Variants in RASSF9 observed in about 807,000 individuals in gnomAD.
The protein encoded by RASSF9 is Ras association domain family member 9, also known as ras association domain-containing protein 9.
In RASSF9, 18 loss-of-function variants were observed where a neutral mutation model predicts 21.4. The ratio of observed to expected loss-of-function variants is 0.84; its 90% CI spans 0.58 to 1.25. The LOEUF is 1.25. Ranked by LOEUF, RASSF9 falls within the 50% of genes most tolerant of loss-of-function variation. RASSF9 has a pLI of 0.00. For missense variants in RASSF9, 480 were observed against 503.2 expected, an observed-to-expected ratio of 0.95 and a Z score of 0.44; for synonymous variants, 183 against 179.1, an observed-to-expected ratio of 1.02 and a Z score of -0.18.
At chr12:85,806,106 G>C in intron 1 of RASSF9, 144 bp from the exon 2 acceptor site, 1 of 847,056 alleles carries the variant, frequency 1.2e-6, no homozygotes, top group African/African-American at 1.7e-5. Context: ...GAGTGCAGTG[G>C]TGCGGTCTCA....
chr12:85,833,293 A>C (rs1880490201), intron 1 of RASSF9, among the ~76,000 whole-genome samples: 1 of 151,902 alleles, frequency 6.6e-6, no homozygotes, highest in African/African-American at 2.4e-5. Flanking sequence ...TTGAGTAAAA[A>C]TTATAATTCA....
intron 1 of RASSF9, among the ~76,000 whole-genome samples, chr12:85,830,197 T>A (rs1880420614): frequency 6.6e-6 from 1 of 152,074 alleles, no homozygotes; most frequent in Non-Finnish European, 1.5e-5. Context: ...TCTAGGGGGA[T>A]GAGGGGAGGT....
intron 1 of RASSF9, among the ~76,000 whole-genome samples, chr12:85,810,357 G>A (rs1879927072): frequency 6.6e-6 from 1 of 151,908 alleles, no homozygotes. Context: ...CAGTGCCAGG[G>A]TTGAGAATGG....
rs374866041 is a variant in RASSF9, at chr12:85,810,717, C to T, written c.48-4755G>A. ...ATTTAGTAGAAATAATATCTACAAA[C>T]GCAAACACAACTAAAGTTTAAACAT... On this transcript the variant is annotated intron_variant, in intron 1 of 1. Transcript: ENST00000361228. Among the ~76,000 whole-genome samples, 6 of 151,700 alleles carry T rather than the reference C, an allele frequency of 4.0e-5. No homozygotes were observed. The East Asian group carries it at 5.8e-4, about 15-fold the overall frequency.
intron 1 of RASSF9, among the ~76,000 whole-genome samples, chr12:85,806,207 C>T (rs976046933): frequency 1.4e-5 from 2 of 145,748 alleles, no homozygotes; most frequent in Non-Finnish European, 3.1e-5. Flanking sequence ...CCACCAGGCC[C>T]GGCTAATTTT....
intron 1 of RASSF9, among the ~76,000 whole-genome samples, chr12:85,827,386 T>A (rs1880356545): frequency 6.6e-6 from 1 of 152,186 alleles, no homozygotes; most frequent in Admixed American, 6.5e-5. Flanking sequence ...TTGCCTATAC[T>A]ACTGTAATGT....
At chr12:85,818,415 C>G (rs1226150293) in intron 1 of RASSF9, among the ~76,000 whole-genome samples, 1 of 151,936 alleles carries the variant, frequency 6.6e-6, no homozygotes, top group Non-Finnish European at 1.5e-5. Context: ...CTAGTAAATC[C>G]AATATAATAA....
At chr12:85,806,321 A>T (rs952577713) in intron 1 of RASSF9, among the ~76,000 whole-genome samples, 5 of 147,394 alleles carry the variant, frequency 3.4e-5, no homozygotes, top group African/African-American at 1.2e-4. Flanking sequence ...AAGTGCTGGG[A>T]TTACAGGCGT....
At chr12:85,834,880 A>G (rs1389338015) in intron 1 of RASSF9, among the ~76,000 whole-genome samples, 1 of 152,154 alleles carries the variant, frequency 6.6e-6, no homozygotes, top group East Asian at 1.9e-4. Flanking sequence ...AAATACTCAA[A>G]CCACTTTATT....
chr12:85,809,583 A>G (rs1198107660), intron 1 of RASSF9, among the ~76,000 whole-genome samples: 1 of 152,022 alleles, frequency 6.6e-6, no homozygotes, highest in East Asian at 1.9e-4. Context: ...TGTAGCAGAC[A>G]TATAAATTCT....
intron 1 of RASSF9, among the ~76,000 whole-genome samples, chr12:85,833,847 CTT>C (rs1251990601): frequency 2.0e-5 from 3 of 152,038 alleles, no homozygotes; most frequent in East Asian, 1.9e-4. Context: ...TATAGTGACT[CTT>C]ATCAGATAAC....
At chr12:85,834,984 A>G (rs1880528634) in intron 1 of RASSF9, among the ~76,000 whole-genome samples, 1 of 152,134 alleles carries the variant, frequency 6.6e-6, no homozygotes, top group Admixed American at 6.5e-5. Flanking sequence ...AGAAACTTTT[A>G]CAGTATTTAT....
rs1324627401 is a variant in RASSF9 at position 85,836,152 on chromosome 12, T to A, written c.47+3A>T. ...ACACACTTACTCACACGCTTGACTT[T>A]ACCTGTTTTTATGCCGAGTCTTTAG... is the stretch of plus-strand genomic sequence containing the variant. On this transcript the variant is annotated splice_donor_region_variant and intron_variant, in intron 1 of 1. Transcript: ENST00000361228. The A allele has an allele frequency of 6.4e-7, 1 of 1,551,190 alleles. No homozygotes were observed. Among genetic ancestry groups the A allele is most frequent in the African/African-American group, 1.4e-5 (1 of 73,016 alleles).
At chr12:85,811,484 A>G (rs1304019796) in intron 1 of RASSF9, among the ~76,000 whole-genome samples, 1 of 151,932 alleles carries the variant, frequency 6.6e-6, no homozygotes, top group East Asian at 1.9e-4. Context: ...TGGGATTCCA[A>G]ATTTATTACT....
chr12:85,811,186 T>G (rs1300724736), intron 1 of RASSF9, among the ~76,000 whole-genome samples: 1 of 151,880 alleles, frequency 6.6e-6, no homozygotes, highest in Non-Finnish European at 1.5e-5. Context: ...TAATTTTGCC[T>G]CCCTTTAATT....
At chr12:85,811,710 T>C (rs1029186915) in intron 1 of RASSF9, among the ~76,000 whole-genome samples, 6 of 151,822 alleles carry the variant, frequency 4.0e-5, no homozygotes, top group African/African-American at 1.2e-4. Flanking sequence ...AGCATCCTAA[T>C]AGCTTATTAT....
chr12:85,805,727 T>C lies in RASSF9; in HGVS notation c.283A>G (p.Arg95Gly), dbSNP rs753626266. ...CACGCTTTCCAAAGCTTCAGGATTC[T>C]AGTTAGTGGAGGAAGAACCCTTTCG... ...GSERVLPPLTRILKLWKAWGD... is the reference protein window; with the variant it reads ...GSERVLPPLTGILKLWKAWGD... Residue 95 changes from arginine to glycine, a missense_variant, in exon 2 of 2, where the codon AGA (arginine) becomes GGA (glycine). Transcript: ENST00000361228. 5.6e-6 allele frequency: 9 copies of C among 1,613,848 alleles called. No homozygotes were observed. Among genetic ancestry groups the C allele is most frequent in the East Asian group, 4.5e-5 (2 of 44,892 alleles).
Position 85,805,896 on chromosome 12 carries a change from C to T in RASSF9, c.114G>A (p.Lys38=). 1.2e-6 allele frequency: 2 copies of T among 1,613,948 alleles called. No individual in the cohort carries two copies. Among genetic ancestry groups the T allele is most frequent in the African/African-American group, 1.3e-5 (1 of 75,054 alleles). Residue 38 remains lysine (K), a synonymous_variant, in exon 2 of 2, where the codon AAG becomes AAA. Coordinates refer to ENST00000361228, the MANE Select transcript of RASSF9 (RefSeq NM_005447.4). Reference sequence around the variant, plus strand: ...TGCGTTTAGTCAGCCCACAGACAAGCTTCTCTTCTTGGCAAACCCAAACCA... The same window carrying T: ...TGCGTTTAGTCAGCCCACAGACAAGTTTCTCTTCTTGGCAAACCCAAACCA... ...EIVVWVCQEE[K]LVCGLTKRTT...
intron 1 of RASSF9, among the ~76,000 whole-genome samples, chr12:85,830,979 T>G (rs1337113931): frequency 6.6e-6 from 1 of 152,118 alleles, no homozygotes; most frequent in Non-Finnish European, 1.5e-5. Flanking sequence ...AACCATACAT[T>G]AAAGTCATTA....
Sources: gnomAD v4.1 joint callset for allele counts (sites outside exome capture counted in the v4.1 genomes callset) on GRCh38, gnomAD v4.1.1 for gene constraint, MANE v1.5 for transcripts, NCBI Gene and HGNC (gene_info 2026-07-23, HGNC 2026-07-21) for gene names.